The following HS3ST5 variants were observed in gnomAD, a reference collection of about 807,000 sequenced individuals.
HS3ST5 encodes heparan sulfate-glucosamine 3-sulfotransferase 5, also known as heparan sulfate glucosamine 3-O-sulfotransferase 5.
Under a neutral mutation model 25.4 loss-of-function variants are expected in HS3ST5, and 10 were observed. The ratio of observed to expected loss-of-function variants is 0.39; its 90% CI spans 0.24 to 0.67. The LOEUF is 0.67. HS3ST5 is among the 30% of genes least tolerant of loss of function. The probability of loss-of-function intolerance (pLI) is 0.44; values close to 1 mark genes in which losing one functional copy is unlikely to be tolerated. For missense variants in HS3ST5, 324 were observed against 420.7 expected (o/e 0.77, Z 2.01); for synonymous variants, 170 against 162.4 (o/e 1.05, Z -0.36).
At chr6:114,064,175 A>G (rs1394285158) in intron 3 of HS3ST5, among the ~76,000 whole-genome samples, 6 of 152,216 alleles carry the variant, frequency 3.9e-5, no homozygotes, top group African/African-American at 1.4e-4. Context: ...TTTTGCTGCA[A>G]TGATATCTCT....
At chr6:114,317,802 C>CGGGGGGGGGGGGGGGGGG (rs35127490) in intron 1 of HS3ST5, among the ~76,000 whole-genome samples, 1 of 68,574 alleles carries the variant, frequency 1.5e-5, no homozygotes, top group Non-Finnish European at 2.6e-5. Context: ...AGGCGGGGGG[C>CGGGGGGGGGGGGGGGGGG]GGGGGGGTAG....
intron 2 of HS3ST5, among the ~76,000 whole-genome samples, chr6:114,192,333 T>C (rs920193600): frequency 6.6e-6 from 1 of 152,184 alleles, no homozygotes; most frequent in Non-Finnish European, 1.5e-5. Flanking sequence ...TTAATAACTA[T>C]AAGATATAGA....
chr6:114,272,598 TA>T (rs745414082), intron 1 of HS3ST5, among the ~76,000 whole-genome samples: 3 of 152,128 alleles, frequency 2.0e-5, no homozygotes, highest in Admixed American at 6.6e-5. Context: ...TTCAACTCCA[TA>T]GTACATAGTC....
At chr6:114,086,740 A>AT (rs1490329498) in intron 3 of HS3ST5, among the ~76,000 whole-genome samples, 4 of 152,134 alleles carry the variant, frequency 2.6e-5, no homozygotes, top group African/African-American at 4.8e-5. Flanking sequence ...AAAACTAGTG[A>AT]TTTTTTCTTG....
At chr6:114,170,374 T>A (rs188249026) in intron 2 of HS3ST5, among the ~76,000 whole-genome samples, 9 of 152,266 alleles carry the variant, frequency 5.9e-5, no homozygotes, top group East Asian at 1.9e-4. Flanking sequence ...TGTAATTTTT[T>A]AAAAATTTAA....
At chr6:114,332,223 G>A (rs934501566) in intron 1 of HS3ST5, among the ~76,000 whole-genome samples, 1 of 152,106 alleles carries the variant, frequency 6.6e-6, no homozygotes, top group Non-Finnish European at 1.5e-5. Flanking sequence ...GAGAAAAATA[G>A]GTAGTAGGGG....
At chr6:114,296,852 G>A (rs993301845) in intron 1 of HS3ST5, among the ~76,000 whole-genome samples, 3 of 152,128 alleles carry the variant, frequency 2.0e-5, no homozygotes, top group Non-Finnish European at 4.4e-5. Context: ...TAAAACCACA[G>A]ACTCCAAATT....
At chr6:114,152,354 C>T (rs1448272435) in intron 3 of HS3ST5, among the ~76,000 whole-genome samples, 1 of 152,088 alleles carries the variant, frequency 6.6e-6, no homozygotes, top group East Asian at 1.9e-4. Context: ...CACATCTATG[C>T]TGCACATACC....
intron 3 of HS3ST5, among the ~76,000 whole-genome samples, chr6:114,152,166 C>T (rs149049498): frequency 0.021 from 3,208 of 152,178 alleles, 36 homozygotes; most frequent in Middle Eastern, 0.048. Context: ...TCGTGATCGA[C>T]GCACTTCGGC....
At chr6:114,332,482 C>G (rs1394024774) in intron 1 of HS3ST5, among the ~76,000 whole-genome samples, 1 of 152,112 alleles carries the variant, frequency 6.6e-6, no homozygotes, top group Non-Finnish European at 1.5e-5. Context: ...TCAATGTATA[C>G]TGAAATAAGT....
intron 1 of HS3ST5, among the ~76,000 whole-genome samples, chr6:114,250,409 G>A (rs562366578): frequency 2.6e-4 from 39 of 151,928 alleles, no homozygotes; most frequent in Non-Finnish European, 5.0e-4. Flanking sequence ...GTGAAACCCC[G>A]TCTCTACTAA....
intron 3 of HS3ST5, among the ~76,000 whole-genome samples, chr6:114,121,179 C>CTTTTGCTG (rs1336845328): frequency 6.6e-6 from 1 of 152,206 alleles, no homozygotes; most frequent in Non-Finnish European, 1.5e-5. Context: ...CAAAAGTACT[C>CTTTTGCTG]TTATTATTTT....
intron 1 of HS3ST5, among the ~76,000 whole-genome samples, chr6:114,306,190 C>CATT: frequency 6.7e-6 from 1 of 148,670 alleles, no homozygotes; most frequent in South Asian, 2.1e-4. Context: ...TTTTTTTTCT[C>CATT]ATTTATTCAG....
intron 3 of HS3ST5, among the ~76,000 whole-genome samples, chr6:114,166,066 G>GA (rs1779196528): frequency 6.6e-6 from 1 of 151,386 alleles, no homozygotes; most frequent in African/African-American, 2.4e-5. Context: ...AAAATACCTA[G>GA]AATAAGGTTA....
intron 2 of HS3ST5, among the ~76,000 whole-genome samples, chr6:114,226,126 G>A (rs1171137486): frequency 1.3e-5 from 2 of 151,836 alleles, no homozygotes. Context: ...TAACACTAAT[G>A]GAACCAAACA....
intron 1 of HS3ST5, among the ~76,000 whole-genome samples, chr6:114,316,655 C>T (rs909486098): frequency 2.6e-5 from 4 of 152,140 alleles, no homozygotes; most frequent in African/African-American, 9.7e-5. Context: ...CAGATATTTA[C>T]ACTCTTGGGC....
intron 2 of HS3ST5, among the ~76,000 whole-genome samples, chr6:114,207,792 C>T (rs61490549): frequency 7.1e-4 from 108 of 152,228 alleles, no homozygotes; most frequent in African/African-American, 2.6e-3. Context: ...TACTATTATA[C>T]TATTAACATA....
At chr6:114,103,113 A>G (rs570269929) in intron 3 of HS3ST5, among the ~76,000 whole-genome samples, 1 of 152,328 alleles carries the variant, frequency 6.6e-6, no homozygotes, top group East Asian at 1.9e-4. Context: ...GTTCAGTCTC[A>G]GCTACTTGCC....
intron 3 of HS3ST5, chr6:114,084,674 T>C: frequency 1.6e-6 from 2 of 1,234,314 alleles, no homozygotes; most frequent in African/African-American, 1.5e-5. Context: ...AGCCCTGGGG[T>C]CAGTAACCAC....
Sources: gnomAD v4.1 joint callset for allele counts (sites outside exome capture counted in the v4.1 genomes callset) on GRCh38, gnomAD v4.1.1 for gene constraint, MANE v1.5 for transcripts, NCBI Gene and HGNC (gene_info 2026-07-23, HGNC 2026-07-21) for gene names.